SPTBN4: variants seen among roughly 807,000 people sequenced by gnomAD.
SPTBN4 encodes the protein spectrin beta chain, non-erythrocytic 4.
Under a neutral mutation model 277.8 loss-of-function variants are expected in SPTBN4, and 96 were observed. The observed-to-expected ratio is 0.35, with a 90% CI of 0.29 to 0.41. The LOEUF (loss-of-function observed/expected upper bound fraction) is 0.41. Ranked by LOEUF, SPTBN4 falls within the 10% of genes least tolerant of loss-of-function variation. The probability of loss-of-function intolerance (pLI) is 1.00; values close to 1 mark genes in which losing one functional copy is unlikely to be tolerated. For missense variants in SPTBN4, 3,006 were observed against 3,595.7 expected, an observed-to-expected ratio of 0.84 and a Z score of 4.19; for synonymous variants, 1,481 against 1,580.3, an observed-to-expected ratio of 0.94 and a Z score of 1.49.
At chr19:40,525,087 T>C (rs1568808996) in intron 17 of SPTBN4, among the ~76,000 whole-genome samples, 2 of 152,236 alleles carry the variant, frequency 1.3e-5, no homozygotes, top group East Asian at 3.9e-4. Context: ...CCCCTCCTTC[T>C]GTCTTCCCAT....
At chr19:40,500,962 T>C (rs1170978594) in intron 7 of SPTBN4, among the ~76,000 whole-genome samples, 1 of 152,158 alleles carries the variant, frequency 6.6e-6, no homozygotes, top group East Asian at 1.9e-4. Context: ...ATCACATAAG[T>C]GAATATGTAA....
In SPTBN4 at chr19:40,560,653, T is replaced by C; in HGVS notation, c.5915+250T>C. The C allele has an allele frequency of 7.0e-7, 1 of 1,428,486 alleles. No homozygotes were observed. Among genetic ancestry groups the C allele is most frequent in the Non-Finnish European group, 9.1e-7 (1 of 1,094,760 alleles). The allele number at this position is 1,428,486 out of a possible 1,614,324, so 88.5% of individuals were successfully genotyped here. Reference sequence around the variant, plus strand: ...TTCCCAGTTGCCTATTATTACCCTCTCCATGGGATGTCACAGCATGAAACA... The same window carrying C: ...TTCCCAGTTGCCTATTATTACCCTCCCCATGGGATGTCACAGCATGAAACA... On this transcript the variant is annotated intron_variant, in intron 27 of 35. Coordinates refer to ENST00000598249, the MANE Select transcript of SPTBN4 (RefSeq NM_020971.3). This position sits in a 1 kb window ranked among gnomAD's most constrained non-coding sequence, Gnocchi z 5.2.
chr19:40,467,628 G>C (rs556058465), intron 1 of SPTBN4, among the ~76,000 whole-genome samples: 10 of 152,038 alleles, frequency 6.6e-5, no homozygotes, highest in East Asian at 5.8e-4. Flanking sequence ...CTTTGCGGGG[G>C]GGGGGGGGTG....
At chr19:40,469,765 T>G (rs1432180794) in intron 1 of SPTBN4, among the ~76,000 whole-genome samples, 1 of 151,558 alleles carries the variant, frequency 6.6e-6, no homozygotes, top group East Asian at 1.9e-4. Context: ...TGTCTCAGCC[T>G]CCTGAGTAGC....
Position 40,502,532 on chromosome 19 carries a change from G to A in SPTBN4, c.1203+25G>A. Reference sequence around the variant, plus strand: ...GGTGAGGCCGGGGATGCAGGGGAGAGGCGGGGTTGCACTGTGGAGTTGTAT... The same window carrying A: ...GGTGAGGCCGGGGATGCAGGGGAGAAGCGGGGTTGCACTGTGGAGTTGTAT... On this transcript the variant is annotated intron_variant, in intron 10 of 35. Coordinates refer to ENST00000598249, the MANE Select transcript of SPTBN4 (RefSeq NM_020971.3). The surrounding 1 kb of genome is among the most constrained non-coding windows in gnomAD (Gnocchi z 4.9). 6.3e-7 allele frequency: 1 copy of A among 1,594,166 alleles called. No individual in the cohort carries two copies. The highest frequency in any genetic ancestry group is 8.5e-7 in the Non-Finnish European group (1 of 1,171,184).
intron 18 of SPTBN4, 121 bp from the exon 19 acceptor site, chr19:40,532,504 C>T: frequency 7.7e-7 from 1 of 1,300,090 alleles, no homozygotes; most frequent in Non-Finnish European, 1.0e-6. Flanking sequence ...TTCATCCTTT[C>T]CTATTCCTTC....
intron 35 of SPTBN4, among the ~76,000 whole-genome samples, chr19:40,574,886 G>C (rs1269438308): frequency 6.6e-6 from 1 of 151,796 alleles, no homozygotes; most frequent in Non-Finnish European, 1.5e-5. Context: ...ATGGTGGCAC[G>C]TGCCTGTAGT....
intron 2 of SPTBN4, among the ~76,000 whole-genome samples, chr19:40,481,978 C>A (rs2145814328): frequency 6.6e-6 from 1 of 151,754 alleles, no homozygotes; most frequent in East Asian, 1.9e-4. Flanking sequence ...GCTCTGTTGC[C>A]CAGGCTGGAG....
intron 27 of SPTBN4, among the ~76,000 whole-genome samples, chr19:40,562,485 G>A (rs1344239387): frequency 1.4e-5 from 2 of 139,554 alleles, no homozygotes; most frequent in East Asian, 2.1e-4. Flanking sequence ...TGCTGAGATC[G>A]TACCACTGCA....
At chr19:40,505,523 C>A (rs958630426) in intron 12 of SPTBN4, among the ~76,000 whole-genome samples, 1 of 151,932 alleles carries the variant, frequency 6.6e-6, no homozygotes, top group Non-Finnish European at 1.5e-5. Flanking sequence ...GAAACCCCAT[C>A]TCTACTAAAA....
At chr19:40,494,113 A>C (rs2080168427) in intron 5 of SPTBN4, among the ~76,000 whole-genome samples, 1 of 152,066 alleles carries the variant, frequency 6.6e-6, no homozygotes, top group Admixed American at 6.6e-5. Context: ...CCTGAAACTC[A>C]ATTGTCCTCT....
At chr19:40,492,080 T>C (rs149116175) in intron 4 of SPTBN4, among the ~76,000 whole-genome samples, 48 of 146,120 alleles carry the variant, frequency 3.3e-4, no homozygotes, top group Admixed American at 2.1e-3. Context: ...GGGTTGGAGG[T>C]GTTCACCAAC....
At chr19:40,569,983 C>G (rs796359403) in intron 32 of SPTBN4, among the ~76,000 whole-genome samples, 4 of 148,290 alleles carry the variant, frequency 2.7e-5, no homozygotes, top group Admixed American at 6.6e-5. Context: ...CAGACACACA[C>G]ACACAGACAC....
At chr19:40,564,262 C>T (rs2081071476) in intron 27 of SPTBN4, among the ~76,000 whole-genome samples, 1 of 152,176 alleles carries the variant, frequency 6.6e-6, no homozygotes, top group Non-Finnish European at 1.5e-5. Flanking sequence ...GAAGCTGAGG[C>T]AGGGGAATCG....
At position 40,557,255 on chromosome 19, in the gene SPTBN4, G is replaced by T. The variant is rs754843919; in HGVS notation, c.5522G>T (p.Ser1841Ile). ...AASRELHKFF[S>I]DARELQGQIE... is the part of the protein sequence containing the mutation. ...TCTCGGGAGCTTCATAAGTTCTTCA[G>T]TGACGCCCGAGAGCTTCAGGGACAG... Residue 1841 changes from serine (S) to isoleucine (I), a missense_variant, in exon 26 of 36, where the codon AGT becomes ATT. By Grantham distance (142) the Ser-to-Ile change is moderately radical. Around this residue, in one of 5 missense-constraint regions of SPTBN4, gnomAD observed 425 missense variants for 594.7 expected, o/e 0.71. Transcript: ENST00000598249. The T allele has an allele frequency of 1.2e-6, 2 of 1,613,766 alleles. No individual in the cohort carries two copies. The highest frequency in any genetic ancestry group is 4.5e-5 in the East Asian group (2 of 44,870).
In SPTBN4 at chr19:40,529,135, G is replaced by A. The variant is rs537271690; in HGVS notation, c.3948+4G>A. 2 of 1,613,620 alleles carry A rather than the reference G, an allele frequency of 1.2e-6. No individual in the cohort carries two copies. Among genetic ancestry groups the A allele is most frequent in the East Asian group, 2.2e-5 (1 of 44,870 alleles). The stretch of plus-strand genomic sequence containing the variant: ...CTTCCTCCGAGACTGCCACGAGGTA[G>A]GAACTCCAGGTGTGCTGGGGACGGA... On this transcript the variant is annotated splice_donor_region_variant and intron_variant, in intron 18 of 35. Coordinates refer to ENST00000598249, the MANE Select transcript of SPTBN4 (RefSeq NM_020971.3).
In SPTBN4 at chr19:40,532,461, C is replaced by A. The variant is rs541594771; in HGVS notation, c.3949-164C>A. On this transcript the variant is annotated intron_variant, in intron 18 of 35. Transcript: ENST00000598249. ...AGGAAAGAGCTTGAGCTGCACCCAC[C>A]CCCAATATAAAGGCCTCACTTGCAA... Among the ~76,000 whole-genome samples the A allele has an allele frequency of 7.2e-5, 11 of 152,124 alleles. No homozygotes were observed. The East Asian group carries it at 1.4e-3, about 19-fold the overall frequency.
chr19:40,506,207 G>A (rs1424744191), intron 12 of SPTBN4, 29 bp from the exon 13 acceptor site: 1 of 1,592,868 alleles, frequency 6.3e-7, no homozygotes, highest in Admixed American at 1.7e-5. Context: ...CAGTGCCAGA[G>A]GTGTGCTCAG....
At chr19:40,497,667 T>G (rs569652104) in intron 7 of SPTBN4, 63 bp downstream of exon 7, 2 of 1,354,792 alleles carry the variant, frequency 1.5e-6, no homozygotes, top group Non-Finnish European at 2.1e-6. Flanking sequence ...CAATGCCATG[T>G]CACACTCAAC....
Sources: allele counts gnomAD v4.1 joint callset (sites outside exome capture counted in the v4.1 genomes callset), GRCh38; gene constraint gnomAD v4.1.1; regional missense constraint gnomAD v4.1.1; non-coding constraint Gnocchi (gnomAD v3.1); transcripts MANE v1.5; gene names NCBI Gene and HGNC (gene_info 2026-07-23, HGNC 2026-07-21).